UPRT: variants seen among roughly 807,000 people sequenced by gnomAD.
The protein encoded by UPRT is RP11-311P8.3.
A neutral mutation model predicts 22.6 loss-of-function variants in UPRT; 5 were observed. That is an observed-to-expected ratio of 0.22 (90% CI 0.12 to 0.47). UPRT has a LOEUF of 0.47. Ranked by LOEUF, UPRT falls within the 20% of genes least tolerant of loss-of-function variation. The pLI, the probability that UPRT is intolerant of heterozygous loss-of-function variation, is 0.99. For synonymous variants in UPRT, 77 were observed against 87.7 expected, an observed-to-expected ratio of 0.88 and a Z score of 0.68; for missense variants, 181 against 239.9, an observed-to-expected ratio of 0.75 and a Z score of 1.62.
chrX:75,258,986 G>C (rs1196157807), intron 4 of UPRT, among the ~76,000 whole-genome samples: 1 of 111,792 alleles, frequency 8.9e-6, no homozygotes, highest in African/African-American at 3.3e-5. Flanking sequence ...ACAGGGTCTG[G>C]AGTGGACCTC....
chrX:75,266,727 C>G (rs746310677), intron 4 of UPRT, among the ~76,000 whole-genome samples: 1 of 111,187 alleles, frequency 9.0e-6, no homozygotes, highest in Non-Finnish European at 1.9e-5. Context: ...CTACAAATAA[C>G]CGAAACACAT....
At chrX:75,241,395 G>A (rs905901865) in intron 4 of UPRT, among the ~76,000 whole-genome samples, 1 of 111,795 alleles carries the variant, frequency 8.9e-6, no homozygotes, top group African/African-American at 3.2e-5. Context: ...ACTCCTGGAA[G>A]AATGGCCATA....
intron 4 of UPRT, among the ~76,000 whole-genome samples, chrX:75,187,003 G>C (rs2082295123): frequency 9.0e-6 from 1 of 111,469 alleles, no homozygotes; most frequent in Non-Finnish European, 1.9e-5. Flanking sequence ...CTTTTAATTG[G>C]AGCATTTAGT....
In UPRT at chrX:75,299,861, A is replaced by C; in HGVS notation, c.689A>C (p.Tyr230Ser). Residue 230 changes from tyrosine (Y) to serine (S), a missense_variant, in exon 5 of 7, where the codon TAC (tyrosine) becomes TCC (serine). By Grantham distance (144) the Tyr-to-Ser change is moderately radical. This residue lies in a region of UPRT where 70 missense variants were observed against 137.0 expected (regional missense o/e 0.51). Coordinates refer to ENST00000373383, the MANE Select transcript of UPRT (RefSeq NM_145052.4). ...VYYAKFPPDI[Y>S]RRKVLLMYPI... ...TATGCCAAATTCCCCCCAGACATTT[A>C]CCGGAGAAAAGTCCTTCTGATGTAT... 3.3e-6 allele frequency: 4 copies of C among 1,211,917 alleles called. No homozygotes were observed. The highest frequency in any genetic ancestry group is 4.5e-6 in the Non-Finnish European group (4 of 895,538).
chrX:75,285,939 G>A (rs2082678027), intron 1 of UPRT, among the ~76,000 whole-genome samples: 1 of 111,130 alleles, frequency 9.0e-6, no homozygotes, highest in African/African-American at 3.3e-5. Flanking sequence ...GGAAGGAGAA[G>A]GAAAACCATT....
intron 4 of UPRT, among the ~76,000 whole-genome samples, chrX:75,231,214 G>T (rs1397020027): frequency 9.0e-6 from 1 of 111,180 alleles, no homozygotes; most frequent in Non-Finnish European, 1.9e-5. Context: ...AACAAAATAT[G>T]GATGAAAAAG....
chrX:75,187,731 C>A (rs1470435437), intron 4 of UPRT, among the ~76,000 whole-genome samples: 1 of 111,352 alleles, frequency 9.0e-6, no homozygotes, highest in South Asian at 3.8e-4. Context: ...TCTTTTTATT[C>A]TTTTTTCTCT....
chrX:75,263,985 C>G (rs1266463241), intron 4 of UPRT, among the ~76,000 whole-genome samples: 1 of 110,848 alleles, frequency 9.0e-6, no homozygotes, highest in Non-Finnish European at 1.9e-5. Flanking sequence ...ACCCAGTAGT[C>G]ATTCAGGAGC....
At chrX:75,175,330 C>A (rs987225865) in intron 4 of UPRT, among the ~76,000 whole-genome samples, 1 of 111,833 alleles carries the variant, frequency 8.9e-6, no homozygotes, top group African/African-American at 3.3e-5. Flanking sequence ...GTGGGACTTT[C>A]AGGCATAACA....
intron 4 of UPRT, among the ~76,000 whole-genome samples, chrX:75,245,471 A>ATTTTTATG (rs541983562): frequency 0.037 from 4,081 of 111,291 alleles, 83 homozygotes; most frequent in Non-Finnish European, 0.056. Flanking sequence ...AAAACATTCT[A>ATTTTTATG]CCATAAAGAA....
At chrX:75,244,196 C>T (rs969272332) in intron 4 of UPRT, among the ~76,000 whole-genome samples, 6 of 111,629 alleles carry the variant, frequency 5.4e-5, no homozygotes, top group Non-Finnish European at 9.4e-5. Context: ...CAATGGAAAA[C>T]AGAGAGCCAG....
chrX:75,267,456 T>G lies in UPRT; in HGVS notation c.-446-23568T>G, dbSNP rs187417677. On this transcript the variant is annotated intron_variant, in intron 4 of 13. Transcript: ENST00000652605. The stretch of plus-strand genomic sequence containing the variant: ...TGTGTGAAGGTGGGAGGGATAGCAT[T>G]AGGAGATATACCTAATGTAAATGAC... 5.5e-4 allele frequency among the ~76,000 whole-genome samples: 62 copies of G among 111,806 alleles called. 1 individual carries two copies. The highest frequency in any genetic ancestry group is 1.9e-3 in the African/African-American group (58 of 30,795).
intron 4 of UPRT, among the ~76,000 whole-genome samples, chrX:75,298,506 G>T (rs767141867): frequency 1.0e-5 from 1 of 100,020 alleles, no homozygotes; most frequent in Non-Finnish European, 2.2e-5. Context: ...TTTCCATTCA[G>T]CCAACTTAAT....
At chrX:75,236,074 T>G (rs1345798493) in intron 4 of UPRT, among the ~76,000 whole-genome samples, 5 of 111,262 alleles carry the variant, frequency 4.5e-5, no homozygotes, top group Admixed American at 2.9e-4. Context: ...AAAATCTCCT[T>G]AAGCTGATAA....
chrX:75,271,133 T>A (rs1178970770), upstream of UPRT, among the ~76,000 whole-genome samples: 2 of 111,854 alleles, frequency 1.8e-5, no homozygotes, highest in East Asian at 5.6e-4. Context: ...ATCAAAATAC[T>A]AATATCATTC....
At position 75,199,181 on chromosome X, in the gene UPRT, A is replaced by G. The variant is rs187770998; in HGVS notation, c.-447+31302A>G. On this transcript the variant is annotated intron_variant, in intron 4 of 13. Transcript: ENST00000652605. ...CCAGAGGACACGGTGGGCATGCAAC[A>G]TACTGATACACAAGCCAGGGAGGCT... Among the ~76,000 whole-genome samples, 13 of 112,061 alleles carry G rather than the reference A, an allele frequency of 1.2e-4. No individual in the cohort carries two copies. The East Asian group carries it at 3.7e-3, about 32-fold the overall frequency.
intron 6 of UPRT, among the ~76,000 whole-genome samples, chrX:75,302,512 T>C (rs1490920926): frequency 9.0e-6 from 1 of 111,364 alleles, no homozygotes; most frequent in Non-Finnish European, 1.9e-5. Context: ...GGTGATAACA[T>C]TTTATGTGAT....
At chrX:75,205,383 CAAAAAAAAAAAAA>C (rs55819232) in intron 4 of UPRT, among the ~76,000 whole-genome samples, 11 of 38,167 alleles carry the variant, frequency 2.9e-4, no homozygotes, top group African/African-American at 1.0e-3. Flanking sequence ...GACTCCGTCT[CAAAAAAAAAAAAA>C]AAAAAAAAAA....
At chrX:75,173,832 CT>C (rs1162046936) in intron 4 of UPRT, among the ~76,000 whole-genome samples, 15 of 112,256 alleles carry the variant, frequency 1.3e-4, no homozygotes, top group African/African-American at 4.5e-4. Context: ...TCTGCAGCCA[CT>C]GGCCCGGGTG....
Sources: gnomAD v4.1 joint callset for allele counts (sites outside exome capture counted in the v4.1 genomes callset) on GRCh38, gnomAD v4.1.1 for gene constraint, gnomAD v4.1.1 regional missense constraint, MANE v1.5 for transcripts, NCBI Gene and HGNC (gene_info 2026-07-23, HGNC 2026-07-21) for gene names.